The following KIDINS220 variants were observed in gnomAD, a reference collection of about 807,000 sequenced individuals.
The protein encoded by KIDINS220 is kinase D interacting substrate 220.
Under a neutral mutation model 157.6 loss-of-function variants are expected in KIDINS220, and 63 were observed. The observed-to-expected ratio is 0.40, with a 90% CI of 0.33 to 0.49. The LOEUF is 0.49. Ranked by LOEUF, KIDINS220 falls within the 20% of genes least tolerant of loss-of-function variation. The probability of loss-of-function intolerance (pLI) is 0.66; values close to 1 mark genes in which losing one functional copy is unlikely to be tolerated. For missense variants in KIDINS220, 1,772 were observed against 2,171.2 expected, an observed-to-expected ratio of 0.82 and a Z score of 3.65; for synonymous variants, 732 against 783.6, an observed-to-expected ratio of 0.93 and a Z score of 1.10.
At chr2:8,804,949 C>A (rs1210115664) in intron 7 of KIDINS220, among the ~76,000 whole-genome samples, 1 of 152,182 alleles carries the variant, frequency 6.6e-6, no homozygotes. Context: ...GCTTCCCATG[C>A]CAATGAAAGC....
At chr2:8,790,980 G>A (rs1290705458) in intron 13 of KIDINS220, 80 bp downstream of exon 13, 1 of 1,332,804 alleles carries the variant, frequency 7.5e-7, no homozygotes, top group Non-Finnish European at 1.0e-6. Context: ...ACAGAAAGTG[G>A]TCTTCCTCTT....
intron 6 of KIDINS220, among the ~76,000 whole-genome samples, chr2:8,809,081 C>T (rs1009311704): frequency 2.0e-5 from 3 of 152,152 alleles, no homozygotes; most frequent in African/African-American, 7.2e-5. Context: ...TGCAGTGGCA[C>T]AATCTCAGCT....
intron 27 of KIDINS220, among the ~76,000 whole-genome samples, chr2:8,736,475 A>G (rs1664876547): frequency 1.3e-5 from 2 of 152,238 alleles, no homozygotes; most frequent in South Asian, 4.1e-4. Flanking sequence ...TACTTTGATA[A>G]TCACTAAATC....
intron 26 of KIDINS220, among the ~76,000 whole-genome samples, chr2:8,739,474 T>C (rs1665341485): frequency 1.3e-5 from 2 of 152,100 alleles, no homozygotes; most frequent in African/African-American, 2.4e-5. Flanking sequence ...AAAATAATCA[T>C]ACATAAGAAA....
At chr2:8,745,317 A>G (rs1666388321) in intron 26 of KIDINS220, among the ~76,000 whole-genome samples, 1 of 152,222 alleles carries the variant, frequency 6.6e-6, no homozygotes, top group South Asian at 2.1e-4. Flanking sequence ...ATGATGACCC[A>G]TGGATTAAAG....
chr2:8,775,594 G>T (rs985839916), intron 21 of KIDINS220, among the ~76,000 whole-genome samples: 1 of 152,176 alleles, frequency 6.6e-6, no homozygotes, highest in Non-Finnish European at 1.5e-5. Context: ...AGCCATTGGT[G>T]ACCTTGAAAA....
Position 8,770,774 on chromosome 2 carries a change from G to A in KIDINS220, c.2907C>T (p.Ile969=), listed in dbSNP as rs779937500. The change falls in exon 22 of 30, where the codon ATC becomes ATT. Residue 969 remains isoleucine, a synonymous_variant. Transcript: ENST00000256707. ...GGTATGGCCACTGCTCAGTAAGGTT[G>A]ATCCAGCTAGCAAGCCTGTCCCAGT... ...SFNWDRLASW[I]NLTEQWPYRT... 1.2e-6 allele frequency: 2 copies of A among 1,612,666 alleles called. No homozygotes were observed. Among genetic ancestry groups the A allele is most frequent in the East Asian group, 4.5e-5 (2 of 44,852 alleles).
At chr2:8,743,759 A>G (rs935337436) in intron 26 of KIDINS220, among the ~76,000 whole-genome samples, 1 of 152,190 alleles carries the variant, frequency 6.6e-6, no homozygotes, top group African/African-American at 2.4e-5. Flanking sequence ...GACCCTCAAG[A>G]GGAAAGGCAT....
intron 22 of KIDINS220, among the ~76,000 whole-genome samples, chr2:8,757,028 T>C (rs1668100993): frequency 6.6e-6 from 1 of 152,154 alleles, no homozygotes. Context: ...AACAGCTTAA[T>C]ATAAAGTGAT....
chr2:8,765,074 C>T (rs1669288226), intron 22 of KIDINS220, among the ~76,000 whole-genome samples: 1 of 151,912 alleles, frequency 6.6e-6, no homozygotes. Context: ...TAAGATGAGA[C>T]CAGAAGAAGG....
chr2:8,820,148 T>C (rs1161396185), intron 2 of KIDINS220, among the ~76,000 whole-genome samples: 5 of 152,192 alleles, frequency 3.3e-5, no homozygotes, highest in Admixed American at 3.3e-4. Flanking sequence ...TGCCTGGCCC[T>C]CGACCCAGTC....
At chr2:8,811,996 C>T (rs563363996) in intron 6 of KIDINS220, among the ~76,000 whole-genome samples, 2 of 152,014 alleles carry the variant, frequency 1.3e-5, no homozygotes, top group African/African-American at 4.8e-5. Flanking sequence ...ACCCATCATA[C>T]CAGAGATGGT....
chr2:8,800,891 A>AT (rs1335611405), intron 8 of KIDINS220, among the ~76,000 whole-genome samples: 2 of 152,238 alleles, frequency 1.3e-5, no homozygotes, highest in Non-Finnish European at 2.9e-5. Flanking sequence ...GAATAATGCT[A>AT]TATGACGAAA....
intron 28 of KIDINS220, among the ~76,000 whole-genome samples, chr2:8,734,145 T>G (rs1664535196): frequency 6.7e-6 from 1 of 148,400 alleles, no homozygotes. Context: ...GATGGAACAT[T>G]ACTAAGGGGA....
At chr2:8,828,931 T>C (rs1679217643) in intron 1 of KIDINS220, among the ~76,000 whole-genome samples, 1 of 152,188 alleles carries the variant, frequency 6.6e-6, no homozygotes, top group African/African-American at 2.4e-5. Flanking sequence ...CTCTCATACC[T>C]GATTTAGATG....
chr2:8,779,482 C>A (rs1180164570), intron 18 of KIDINS220, among the ~76,000 whole-genome samples, 192 bp downstream of exon 18: 1 of 152,222 alleles, frequency 6.6e-6, no homozygotes, highest in Admixed American at 6.5e-5. Context: ...ATTTAAATAT[C>A]TTTGTGACTA....
At chr2:8,744,261 G>A (rs1666040640) in intron 26 of KIDINS220, among the ~76,000 whole-genome samples, 1 of 138,236 alleles carries the variant, frequency 7.2e-6, no homozygotes. Context: ...TCCCTCCCTG[G>A]ACATCACAAG....
intron 22 of KIDINS220, among the ~76,000 whole-genome samples, chr2:8,755,835 T>TA (rs1322284482): frequency 6.6e-6 from 1 of 152,264 alleles, no homozygotes; most frequent in Non-Finnish European, 1.5e-5. Context: ...TCTATTGCTC[T>TA]ATATGTCCAT....
At chr2:8,834,206 A>AT (rs1157645119) in intron 1 of KIDINS220, among the ~76,000 whole-genome samples, 1 of 151,982 alleles carries the variant, frequency 6.6e-6, no homozygotes, top group Non-Finnish European at 1.5e-5. Flanking sequence ...GTCCTCCTGA[A>AT]TCGTGTCTTC....
Sources: allele counts gnomAD v4.1 joint callset (sites outside exome capture counted in the v4.1 genomes callset), GRCh38; gene constraint gnomAD v4.1.1; transcripts MANE v1.5; gene names NCBI Gene and HGNC (gene_info 2026-07-23, HGNC 2026-07-21).